The following MYO16 variants were observed in gnomAD, a reference collection of about 807,000 sequenced individuals.
MYO16 encodes the protein unconventional myosin-XVI.
Under a neutral mutation model 205.3 loss-of-function variants are expected in MYO16, and 94 were observed. That is an observed-to-expected ratio of 0.46 (90% CI 0.39 to 0.54). The LOEUF is 0.54. Ranked by LOEUF, MYO16 falls within the 20% of genes least tolerant of loss-of-function variation. The pLI is 0.00. For missense variants in MYO16, 2,315 were observed against 2,387.5 expected (o/e 0.97, Z 0.63); for synonymous variants, 988 against 954.0 (o/e 1.04, Z -0.66).
At chr13:108,931,371 C>G (rs1038830971) in intron 16 of MYO16, among the ~76,000 whole-genome samples, 1 of 152,142 alleles carries the variant, frequency 6.6e-6, no homozygotes, top group African/African-American at 2.4e-5. Context: ...GAAGGAATGC[C>G]TTGGTATACT....
At chr13:108,906,619 C>T (rs1432833831) in intron 15 of MYO16, among the ~76,000 whole-genome samples, 1 of 152,102 alleles carries the variant, frequency 6.6e-6, no homozygotes, top group African/African-American at 2.4e-5. Flanking sequence ...TGCAAACAGC[C>T]TGGGCTTAGG....
chr13:108,647,802 T>C (rs1208568083), intron 1 of MYO16, among the ~76,000 whole-genome samples: 2 of 152,246 alleles, frequency 1.3e-5, no homozygotes, highest in African/African-American at 2.4e-5. Context: ...AAGTAACTTA[T>C]TAAACTTGTA....
chr13:108,972,241 CTCTCTCTCTATATATATATATATA>C (rs1293436617), intron 20 of MYO16, among the ~76,000 whole-genome samples: 3 of 13,986 alleles, frequency 2.1e-4, no homozygotes, highest in Non-Finnish European at 4.5e-4. Context: ...CTCTCTCTCT[CTCTCTCTCTATATATATATATATA>C]TATATATATA....
intron 27 of MYO16, among the ~76,000 whole-genome samples, chr13:109,059,489 C>G (rs1316716917): frequency 6.6e-6 from 1 of 152,092 alleles, no homozygotes; most frequent in African/African-American, 2.4e-5. Flanking sequence ...CAGTGAACTT[C>G]AAATATTTAG....
At chr13:108,742,650 G>A (rs1884945549) in intron 4 of MYO16, among the ~76,000 whole-genome samples, 1 of 152,060 alleles carries the variant, frequency 6.6e-6, no homozygotes, top group Admixed American at 6.6e-5. Context: ...AGATTGAGAA[G>A]CCTTTTTGTT....
intron 1 of MYO16, among the ~76,000 whole-genome samples, chr13:108,605,049 C>T (rs939276587): frequency 6.6e-6 from 1 of 152,142 alleles, no homozygotes; most frequent in Non-Finnish European, 1.5e-5. Context: ...CTGTGGGAAA[C>T]AAACCATATC....
chr13:108,772,455 C>T (rs1885998500), intron 4 of MYO16, among the ~76,000 whole-genome samples: 1 of 152,178 alleles, frequency 6.6e-6, no homozygotes, highest in Non-Finnish European at 1.5e-5. Flanking sequence ...GTGTCTGTTG[C>T]TCCACATTCT....
chr13:108,680,340 A>G (rs990412103), intron 2 of MYO16, among the ~76,000 whole-genome samples: 1 of 152,220 alleles, frequency 6.6e-6, no homozygotes, highest in African/African-American at 2.4e-5. Context: ...ATAAGATGTC[A>G]ATTTCTAGAT....
chr13:108,800,197 T>C (rs1886928252), intron 6 of MYO16, among the ~76,000 whole-genome samples: 1 of 152,180 alleles, frequency 6.6e-6, no homozygotes, highest in Non-Finnish European at 1.5e-5. Context: ...CACAGCTTCA[T>C]GGGTAAAAGC....
chr13:108,755,167 T>G (rs1364187730), intron 4 of MYO16, among the ~76,000 whole-genome samples: 6 of 151,974 alleles, frequency 3.9e-5, no homozygotes, highest in African/African-American at 1.4e-4. Flanking sequence ...AAGCAGTCAT[T>G]GTGTTCTAGT....
In MYO16 at chr13:109,140,189, G is replaced by C; in HGVS notation, c.4052-75G>C. The C allele has an allele frequency of 3.9e-6, 6 of 1,557,176 alleles. No individual in the cohort carries two copies. The highest frequency in any genetic ancestry group is 5.2e-6 in the Non-Finnish European group (6 of 1,160,998). On this transcript the variant is annotated intron_variant, in intron 31 of 34. Transcript: ENST00000457511. The surrounding 1 kb of genome is among the most constrained non-coding windows in gnomAD (Gnocchi z 8.0). ...GGGGCACGGGGCCGTGGCTCCCTCC[G>C]AGTCGAGCCCCGGGCTTGGTGGGCA... is the stretch of plus-strand genomic sequence containing the variant.
At chr13:108,960,197 C>G (rs1424155228) in intron 17 of MYO16, among the ~76,000 whole-genome samples, 1 of 150,792 alleles carries the variant, frequency 6.6e-6, no homozygotes, top group East Asian at 1.9e-4. Flanking sequence ...ATCACTTGAG[C>G]CCGGGAGGTC....
chr13:108,507,774 C>T, the MYO16 span, among the ~76,000 whole-genome samples: 19,270 of 152,022 alleles, frequency 0.13, 1,381 homozygotes, highest in East Asian at 0.23. Context: ...TCAGTGATGT[C>T]TCATAAGTAT....
the MYO16 span, among the ~76,000 whole-genome samples, chr13:108,500,756 C>G: frequency 6.6e-6 from 1 of 152,192 alleles, no homozygotes; most frequent in Non-Finnish European, 1.5e-5. Context: ...TCCAGTCTTA[C>G]AGTTGCCAGA....
intron 3 of MYO16, among the ~76,000 whole-genome samples, chr13:108,724,768 A>G (rs1406919500): frequency 6.6e-6 from 1 of 151,976 alleles, no homozygotes; most frequent in Non-Finnish European, 1.5e-5. Flanking sequence ...TTACAATATT[A>G]TGTTTTCATT....
At chr13:108,759,934 A>G (rs1885550370) in intron 4 of MYO16, among the ~76,000 whole-genome samples, 1 of 152,022 alleles carries the variant, frequency 6.6e-6, no homozygotes, top group African/African-American at 2.4e-5. Context: ...ATACTTTTTT[A>G]TTGACATATA....
intron 32 of MYO16, among the ~76,000 whole-genome samples, chr13:109,149,510 A>G (rs769918870): frequency 6.6e-6 from 1 of 152,238 alleles, no homozygotes; most frequent in Non-Finnish European, 1.5e-5. Context: ...GATTCTTTCT[A>G]TTATGCCCTT....
chr13:109,149,737 T>A (rs1427397621), intron 32 of MYO16, among the ~76,000 whole-genome samples: 1 of 152,072 alleles, frequency 6.6e-6, no homozygotes, highest in Non-Finnish European at 1.5e-5. Context: ...CCTCTTTTTC[T>A]CCCCTTTCCT....
Position 108,783,939 on chromosome 13 carries a change from G to A in MYO16, c.508-1696G>A, listed in dbSNP as rs77408419. Among the ~76,000 whole-genome samples, 981 of 152,260 alleles carry A rather than the reference G, an allele frequency of 6.4e-3. 9 individuals carry two copies. The highest frequency in any genetic ancestry group is 0.022 in the African/African-American group (919 of 41,564). On this transcript the variant is annotated intron_variant, in intron 4 of 34. Coordinates refer to ENST00000457511, the MANE Select transcript of MYO16 (RefSeq NM_001198950.3). ...AGCAGTGTGAAAATGAACCAATACA[G>A]CGCCTGTACAGTGTCAGCAGGCAAC... is the stretch of plus-strand genomic sequence containing the variant.
Sources: allele counts gnomAD v4.1 joint callset (sites outside exome capture counted in the v4.1 genomes callset), GRCh38; gene constraint gnomAD v4.1.1; non-coding constraint Gnocchi (gnomAD v3.1); transcripts MANE v1.5; gene names NCBI Gene and HGNC (gene_info 2026-07-23, HGNC 2026-07-21).